The following BMP1 variants were observed in gnomAD, a reference collection of about 807,000 sequenced individuals.
BMP1 encodes mammalian tolloid protein.
BMP1 carries 63 observed loss-of-function variants against 116.8 expected under a neutral mutation model. The ratio of observed to expected loss-of-function variants is 0.54; its 90% CI spans 0.44 to 0.67. BMP1 has a LOEUF of 0.67. Ranked by LOEUF, BMP1 falls within the 30% of genes least tolerant of loss-of-function variation. BMP1 has a pLI of 0.00. For missense variants in BMP1, 1,183 were observed against 1,358.9 expected, an observed-to-expected ratio of 0.87 and a Z score of 2.04; for synonymous variants, 536 against 533.4, an observed-to-expected ratio of 1.00 and a Z score of -0.07.
Position 22,165,560 on chromosome 8 carries a change from G to GC in BMP1, c.148+13dup. 3.2e-6 allele frequency: 5 copies of GC among 1,570,176 alleles called. No individual in the cohort carries two copies. Among genetic ancestry groups the GC allele is most frequent in the East Asian group, 5.0e-5 (2 of 40,322 alleles). On this transcript the variant is annotated splice_region_variant and intron_variant, in intron 1 of 19. Transcript: ENST00000306385. ...AAAGACCCCTGCAAGGCGGGTGAGCGCCCCCCGGCCCCCCGGCGACGGGCC... is the reference window on the plus strand; with the variant it reads ...AAAGACCCCTGCAAGGCGGGTGAGCGCCCCCCCGGCCCCCCGGCGACGGGCC...
chr8:22,209,443 A>G lies in BMP1; in HGVS notation c.2576-2A>G. 1 of 1,614,056 alleles carries G rather than the reference A, an allele frequency of 6.2e-7. No individual in the cohort carries two copies. Among genetic ancestry groups the G allele is most frequent in the Non-Finnish European group, 8.5e-7 (1 of 1,179,942 alleles). On this transcript the variant is annotated splice_acceptor_variant, in intron 18 of 19. Transcript: ENST00000306385. LOFTEE classifies it high-confidence loss of function. ...CTGGTTGGCCCCTCTTGTCCCCTACAGAGTGCGGGGGCCAGGTACGGGCAG... is the reference window on the plus strand; with the variant it reads ...CTGGTTGGCCCCTCTTGTCCCCTACGGAGTGCGGGGGCCAGGTACGGGCAG...
chr8:22,178,163 C>T (rs1449008929), intron 6 of BMP1, among the ~76,000 whole-genome samples: 2 of 152,262 alleles, frequency 1.3e-5, no homozygotes, highest in Non-Finnish European at 2.9e-5. Context: ...CAGGGCCTTA[C>T]CACCGTGTGC....
chr8:22,192,654 G>A (rs919226122), intron 9 of BMP1, among the ~76,000 whole-genome samples: 1 of 152,174 alleles, frequency 6.6e-6, no homozygotes, highest in African/African-American at 2.4e-5. Context: ...GCCGTGGCCC[G>A]ACCTTGTCTG....
intron 13 of BMP1, 56 bp downstream of exon 13, chr8:22,195,643 G>T (rs933379204): frequency 1.7e-5 from 26 of 1,565,088 alleles, no homozygotes; most frequent in Non-Finnish European, 2.1e-5. Context: ...CAGCCCACCT[G>T]CCCAGAATTT....
At chr8:22,206,012 G>C (rs1829346847) in intron 16 of BMP1, among the ~76,000 whole-genome samples, 1 of 152,180 alleles carries the variant, frequency 6.6e-6, no homozygotes, top group Admixed American at 6.5e-5. Flanking sequence ...ACTGAGTCAG[G>C]TGTCAAAGTC....
At position 22,207,629 on chromosome 8, in the gene BMP1, G is replaced by A. The variant is rs142660250; in HGVS notation, c.2575+113G>A. 437 of 1,237,200 alleles carry A rather than the reference G, an allele frequency of 3.5e-4. 1 individual carries two copies. In the African/African-American group the frequency reaches 5.4e-3, roughly 15 times the overall value. 76.6% of individuals were successfully genotyped at this position (1,237,200 alleles called of 1,614,324 possible). A position where few individuals can be genotyped will look rare whatever the true frequency, so the allele number is the denominator to read the frequency against. On this transcript the variant is annotated intron_variant, in intron 18 of 19. Coordinates refer to ENST00000306385, the MANE Select transcript of BMP1 (RefSeq NM_006129.5). ...CAGAGGGACTGAGCCCTGCGACCCA[G>A]GGCCAGGGTTGTGGGTGATGCAAAC... is the stretch of plus-strand genomic sequence containing the variant.
Position 22,211,587 on chromosome 8 carries a change from C to T in BMP1, c.2827-7C>T, listed in dbSNP as rs1446732819. On this transcript the variant is annotated splice_polypyrimidine_tract_variant and splice_region_variant and intron_variant, in intron 19 of 19. Transcript: ENST00000306385. ...CTCCACCTTACCCCATCTCTTTTCT[C>T]TGCCAGCCTCCTGAGGAGGTGTACT... The T allele has an allele frequency of 6.2e-7, 1 of 1,614,194 alleles. No homozygotes were observed. Among genetic ancestry groups the T allele is most frequent in the Admixed American group, 1.7e-5 (1 of 60,034 alleles).
At position 22,206,689 on chromosome 8, in the gene BMP1, G is replaced by A. The variant is rs566267749; in HGVS notation, c.2234-165G>A. ...TCGGGCAGCTAGATTTTCCCCAGACGCAGTAACCTCATGAAAAAGAAACGA... is the reference window on the plus strand; with the variant it reads ...TCGGGCAGCTAGATTTTCCCCAGACACAGTAACCTCATGAAAAAGAAACGA... On this transcript the variant is annotated intron_variant, in intron 16 of 19. Transcript: ENST00000306385. Among the ~76,000 whole-genome samples the A allele has an allele frequency of 5.9e-5, 9 of 152,106 alleles. No homozygotes were observed. The East Asian group carries it at 1.5e-3, about 26-fold the overall frequency.
intron 8 of BMP1, among the ~76,000 whole-genome samples, chr8:22,187,556 A>T (rs1370523425): frequency 3.5e-5 from 4 of 114,520 alleles, no homozygotes; most frequent in Non-Finnish European, 5.0e-5. Flanking sequence ...TCACCGTGTT[A>T]GCCAGCATGG....
chr8:22,190,876 C>A (rs1828912518), intron 8 of BMP1, among the ~76,000 whole-genome samples: 1 of 152,200 alleles, frequency 6.6e-6, no homozygotes, highest in South Asian at 2.1e-4. Context: ...CAGGACACCC[C>A]TGAAACCATC....
At chr8:22,204,380 G>A (rs573454399) in intron 16 of BMP1, among the ~76,000 whole-genome samples, 192 of 152,306 alleles carry the variant, frequency 1.3e-3, no homozygotes, top group African/African-American at 4.2e-3. Context: ...GTTTCCCCCA[G>A]TGAAAGCTGT....
chr8:22,189,339 A>C (rs931636470), intron 8 of BMP1, among the ~76,000 whole-genome samples: 3 of 151,182 alleles, frequency 2.0e-5, no homozygotes, highest in African/African-American at 7.3e-5. Flanking sequence ...CCATGCCAGC[A>C]CTCAGTCATT....
chr8:22,198,860 C>T, intron 15 of BMP1: 1 of 981,106 alleles, frequency 1.0e-6, no homozygotes, highest in Non-Finnish European at 1.3e-6. Flanking sequence ...CTGAGACCCT[C>T]CCCATGCCAG....
intron 16 of BMP1, among the ~76,000 whole-genome samples, chr8:22,205,588 A>G (rs1829338051): frequency 2.0e-5 from 3 of 152,048 alleles, no homozygotes; most frequent in Admixed American, 2.0e-4. Context: ...CAGCCTGGGC[A>G]ACATAGTGAG....
intron 16 of BMP1, among the ~76,000 whole-genome samples, chr8:22,205,370 C>G (rs6982782): frequency 6.6e-6 from 1 of 152,006 alleles, no homozygotes; most frequent in Non-Finnish European, 1.5e-5. Flanking sequence ...TGCAGGGCCA[C>G]GCAGGGTGCA....
At chr8:22,170,411 T>G (rs1458955530) in intron 1 of BMP1, 1 of 152,292 alleles carries the variant, frequency 6.6e-6, no homozygotes, top group East Asian at 1.9e-4. Context: ...TTCGTGTATA[T>G]GTCTTATTTC....
intron 1 of BMP1, among the ~76,000 whole-genome samples, chr8:22,167,022 A>G (rs761651970): frequency 4.6e-5 from 7 of 152,216 alleles, no homozygotes; most frequent in Non-Finnish European, 7.3e-5. Context: ...ATCTTCCCAT[A>G]GAGTTGGTGG....
rs751908007 is a variant in BMP1 at position 22,173,734 on chromosome 8, G to C, written c.262+19G>C. On this transcript the variant is annotated intron_variant, in intron 2 of 19. Coordinates refer to ENST00000306385, the MANE Select transcript of BMP1 (RefSeq NM_006129.5). ...GCTGCAGGTAAGCCGGGTGCCAATG[G>C]GCCCTCTGTGTCCTAGAAATGGGTT... is the stretch of plus-strand genomic sequence containing the variant. 6.3e-7 allele frequency: 1 copy of C among 1,584,944 alleles called. No homozygotes were observed. The highest frequency in any genetic ancestry group is 8.6e-7 in the Non-Finnish European group (1 of 1,159,652).
intron 8 of BMP1, among the ~76,000 whole-genome samples, chr8:22,189,694 T>C (rs1218580792): frequency 1.3e-5 from 2 of 151,884 alleles, no homozygotes; most frequent in Non-Finnish European, 2.9e-5. Flanking sequence ...CTCAAACTCC[T>C]GGACTCAAGC....
Sources: gnomAD v4.1 joint callset for allele counts (sites outside exome capture counted in the v4.1 genomes callset) on GRCh38, gnomAD v4.1.1 for gene constraint, MANE v1.5 for transcripts, NCBI Gene and HGNC (gene_info 2026-07-23, HGNC 2026-07-21) for gene names.